ZSWIM6: variants seen among roughly 807,000 people sequenced by gnomAD.
ZSWIM6 encodes the protein zinc finger SWIM domain-containing protein 6.
ZSWIM6 carries 9 observed loss-of-function variants against 113.2 expected under a neutral mutation model. The observed-to-expected ratio is 0.08, with a 90% CI of 0.05 to 0.14. ZSWIM6 has a LOEUF of 0.14. Among genes scored for constraint, ZSWIM6 ranks in the 10% least tolerant of loss-of-function variants. The probability of loss-of-function intolerance (pLI) is 1.00; values close to 1 mark genes in which losing one functional copy is unlikely to be tolerated. For synonymous variants in ZSWIM6, 611 were observed against 606.5 expected (o/e 1.01, Z -0.11); for missense variants, 1,162 against 1,552.2 (o/e 0.75, Z 4.22).
At chr5:61,402,322 A>G (rs545544461) in intron 1 of ZSWIM6, among the ~76,000 whole-genome samples, 23 of 152,366 alleles carry the variant, frequency 1.5e-4, no homozygotes, top group South Asian at 6.2e-4. Flanking sequence ...AGATATATCC[A>G]TAAATGCTTG....
chr5:61,500,219 C>T (rs1287635310), intron 4 of ZSWIM6, among the ~76,000 whole-genome samples: 2 of 151,788 alleles, frequency 1.3e-5, no homozygotes, highest in East Asian at 3.9e-4. Flanking sequence ...CTCTGCCTCC[C>T]AGGTTCCAGT....
chr5:61,462,248 A>AG (rs1195655396), intron 1 of ZSWIM6, among the ~76,000 whole-genome samples: 16 of 152,240 alleles, frequency 1.1e-4, no homozygotes, highest in Non-Finnish European at 1.5e-5. Flanking sequence ...CTCAGGGACA[A>AG]GATAGACTTG....
At chr5:61,399,231 GTT>G (rs35540556) in intron 1 of ZSWIM6, among the ~76,000 whole-genome samples, 25 of 117,952 alleles carry the variant, frequency 2.1e-4, no homozygotes, top group African/African-American at 3.7e-4. Context: ...GGCTGTGTAT[GTT>G]TTTTTTTTTT....
Position 61,521,400 on chromosome 5 carries a change from A to C in ZSWIM6, c.1471A>C (p.Asn491His), listed in dbSNP as rs941118270. ...EDGNHGSELP[N>H]LTNALPQGAN... is the part of the protein sequence containing the mutation. ...TGGAAATCATGGCAGTGAATTACCC[A>C]ACTTAACCAATGCTCTGCCTCAGGG... Residue 491 changes from asparagine to histidine, a missense_variant, in exon 5 of 14, where the codon AAC (asparagine) becomes CAC (histidine). By Grantham distance (68) the Asn-to-His change is moderately conservative. Coordinates refer to ENST00000252744, the MANE Select transcript of ZSWIM6 (RefSeq NM_020928.2). The C allele has an allele frequency of 2.0e-5, 30 of 1,527,304 alleles. No homozygotes were observed. Among genetic ancestry groups the C allele is most frequent in the Non-Finnish European group, 2.6e-5 (29 of 1,135,696 alleles). The allele number at this position is 1,527,304 out of a possible 1,614,324, so 94.6% of individuals were successfully genotyped here. A position where few individuals can be genotyped will look rare whatever the true frequency, so the allele number is the denominator to read the frequency against.
intron 1 of ZSWIM6, among the ~76,000 whole-genome samples, chr5:61,371,022 C>T (rs769398167): frequency 4.6e-4 from 70 of 152,316 alleles, no homozygotes; most frequent in Non-Finnish European, 6.3e-4. Flanking sequence ...GTGGACAGCA[C>T]GAGCTCTGGG....
chr5:61,447,373 C>T (rs1746983588), intron 1 of ZSWIM6, among the ~76,000 whole-genome samples: 1 of 152,130 alleles, frequency 6.6e-6, no homozygotes, highest in Non-Finnish European at 1.5e-5. Context: ...AACAGACAAG[C>T]CCCAAAAGTG....
intron 1 of ZSWIM6, among the ~76,000 whole-genome samples, chr5:61,433,691 C>T (rs1746634258): frequency 6.6e-6 from 1 of 152,106 alleles, no homozygotes; most frequent in Non-Finnish European, 1.5e-5. Flanking sequence ...CCAGGCTGGT[C>T]TCAAACGCCC....
chr5:61,362,370 G>A (rs1381615653), intron 1 of ZSWIM6, among the ~76,000 whole-genome samples: 10 of 152,028 alleles, frequency 6.6e-5, no homozygotes, highest in Admixed American at 6.5e-4. Context: ...GCTAATTTTT[G>A]TATTTTTAGT....
intron 1 of ZSWIM6, among the ~76,000 whole-genome samples, chr5:61,379,306 A>G (rs1745432456): frequency 6.6e-6 from 1 of 152,118 alleles, no homozygotes; most frequent in South Asian, 2.1e-4. Flanking sequence ...CTGCAATTTC[A>G]AGGCTAGACC....
At position 61,344,534 on chromosome 5, in the gene ZSWIM6, G is replaced by T. The variant is rs541247886; in HGVS notation, c.676+11586G>T. On this transcript the variant is annotated intron_variant, in intron 1 of 13. Transcript: ENST00000252744. ...TTTCCTCTGTCCTTTCCTTTCTTGG[G>T]GATGGGGTGAGGGAAGGGAGGAGAA... 1.6e-3 allele frequency among the ~76,000 whole-genome samples: 240 copies of T among 152,080 alleles called. 1 individual carries two copies. The highest frequency in any genetic ancestry group is 2.4e-3 in the Non-Finnish European group (162 of 68,032).
intron 4 of ZSWIM6, among the ~76,000 whole-genome samples, chr5:61,505,270 C>A (rs948955153): frequency 6.6e-6 from 1 of 152,116 alleles, no homozygotes; most frequent in African/African-American, 2.4e-5. Context: ...GTCCTTTTTG[C>A]CTTTTTGTAT....
intron 1 of ZSWIM6, among the ~76,000 whole-genome samples, chr5:61,404,016 T>G (rs2112105960): frequency 6.6e-6 from 1 of 152,056 alleles, no homozygotes. Context: ...GTAATTTTTT[T>G]TTTTTTTTTG....
intron 1 of ZSWIM6, among the ~76,000 whole-genome samples, chr5:61,467,701 G>A (rs1329326642): frequency 1.3e-5 from 2 of 152,110 alleles, no homozygotes; most frequent in African/African-American, 4.8e-5. Flanking sequence ...CTGTATGAAA[G>A]TAACACTCTT....
In ZSWIM6 at chr5:61,472,133, A is replaced by G. The variant is rs753791559; in HGVS notation, c.677-548A>G. 6.6e-5 allele frequency among the ~76,000 whole-genome samples: 10 copies of G among 152,312 alleles called. No homozygotes were observed. Among genetic ancestry groups the G allele is most frequent in the Non-Finnish European group, 1.2e-4 (8 of 68,024 alleles). ...ATGCATGTTGCAGAAAGGATTGTCA[A>G]ATTTAAAAATTTATCTGATCAAAGT... On this transcript the variant is annotated intron_variant, in intron 1 of 13. Coordinates refer to ENST00000252744, the MANE Select transcript of ZSWIM6 (RefSeq NM_020928.2). The surrounding 1 kb of genome is among the most constrained non-coding windows in gnomAD (Gnocchi z 4.1).
At position 61,543,807 on chromosome 5, in the gene ZSWIM6, C is replaced by T; in HGVS notation, c.3138C>T (p.Ala1046=). The T allele has an allele frequency of 6.4e-7, 1 of 1,551,916 alleles. No individual in the cohort carries two copies. The highest frequency in any genetic ancestry group is 1.2e-5 in the South Asian group (1 of 84,060). Residue 1046 remains alanine (A), a synonymous_variant, in exon 14 of 14, where the codon GCC becomes GCT. Transcript: ENST00000252744. This position sits in a 1 kb window ranked among gnomAD's most constrained non-coding sequence, Gnocchi z 4.3. ...YMEHRGYPMR[A]YKLATLAMTH... is the part of the protein sequence containing the mutation. Reference sequence around the variant, plus strand: ...AGCACCGCGGGTACCCCATGAGGGCCTACAAGCTGGCCACCCTGGCCATGA... The same window carrying T: ...AGCACCGCGGGTACCCCATGAGGGCTTACAAGCTGGCCACCCTGGCCATGA...
chr5:61,519,815 G>A (rs1749064148), intron 4 of ZSWIM6, among the ~76,000 whole-genome samples: 1 of 152,112 alleles, frequency 6.6e-6, no homozygotes, highest in Admixed American at 6.5e-5. Flanking sequence ...TTTTTCCACG[G>A]ATGGGGGGTG....
chr5:61,527,053 ATGAGC>A (rs1442996165), intron 7 of ZSWIM6, among the ~76,000 whole-genome samples: 1 of 152,226 alleles, frequency 6.6e-6, no homozygotes, highest in Non-Finnish European at 1.5e-5. Context: ...ATGACATTTG[ATGAGC>A]TGTCAGCTGA....
chr5:61,477,939 A>G (rs1335298612), intron 2 of ZSWIM6, among the ~76,000 whole-genome samples: 3 of 152,222 alleles, frequency 2.0e-5, no homozygotes, highest in Non-Finnish European at 2.9e-5. Flanking sequence ...TTTATGTTCC[A>G]AATCTACCAG....
At chr5:61,530,740 G>T (rs1749409370) in intron 8 of ZSWIM6, among the ~76,000 whole-genome samples, 1 of 152,184 alleles carries the variant, frequency 6.6e-6, no homozygotes, top group African/African-American at 2.4e-5. Flanking sequence ...CTGCCCAAGG[G>T]CAGTGGGTGG....
Sources: gnomAD v4.1 joint callset for allele counts (sites outside exome capture counted in the v4.1 genomes callset) on GRCh38, gnomAD v4.1.1 for gene constraint, Gnocchi (gnomAD v3.1) non-coding constraint, MANE v1.5 for transcripts, NCBI Gene and HGNC (gene_info 2026-07-23, HGNC 2026-07-21) for gene names.